The following SPRR2G variants were observed in gnomAD, a reference collection of about 807,000 sequenced individuals.
SPRR2G encodes the protein small proline-rich protein 2G.
In SPRR2G, 1 loss-of-function variant was observed where a neutral mutation model predicts 0.7. The ratio of observed to expected loss-of-function variants is 1.49; its 90% CI spans 0.53 to 7.06. The LOEUF (loss-of-function observed/expected upper bound fraction) is 7.06. Among genes scored for constraint, SPRR2G ranks in the 30% most tolerant of loss-of-function variants. SPRR2G has a pLI of 0.14. For missense variants in SPRR2G, 96 were observed against 88.5 expected (o/e 1.09, Z -0.34); for synonymous variants, 38 against 33.9 (o/e 1.12, Z -0.42).
At chr1:153,156,478 GA>G in the SPRR2G span, among the ~76,000 whole-genome samples, 4 of 152,238 alleles carry the variant, frequency 2.6e-5, no homozygotes, top group African/African-American at 9.6e-5. Context: ...TTAAGACGCT[GA>G]CATTGCAGAG....
chr1:153,167,163 C>G, the SPRR2G span, among the ~76,000 whole-genome samples: 1 of 152,116 alleles, frequency 6.6e-6, no homozygotes, highest in Admixed American at 6.6e-5. Flanking sequence ...AATAAGAGAC[C>G]CTTTGTTTTG....
At chr1:153,198,367 T>G in the SPRR2G span, among the ~76,000 whole-genome samples, 8 of 152,138 alleles carry the variant, frequency 5.3e-5, no homozygotes, top group Non-Finnish European at 1.2e-4. Flanking sequence ...TTTATAAAAT[T>G]CACTTCGGCA....
the SPRR2G span, among the ~76,000 whole-genome samples, chr1:153,177,995 A>G: frequency 6.6e-6 from 1 of 152,050 alleles, no homozygotes; most frequent in African/African-American, 2.4e-5. Context: ...ATTTATTTGG[A>G]TCCTGTCTAG....
the SPRR2G span, among the ~76,000 whole-genome samples, chr1:153,163,984 A>G: frequency 3.3e-5 from 5 of 152,304 alleles, no homozygotes; most frequent in Non-Finnish European, 7.3e-5. Context: ...TCCTCACCAA[A>G]TGGTATCAAT....
At chr1:153,166,790 TG>T in the SPRR2G span, among the ~76,000 whole-genome samples, 1 of 152,198 alleles carries the variant, frequency 6.6e-6, no homozygotes, top group Admixed American at 6.5e-5. Context: ...AAAACTCTCT[TG>T]GGACAACTGA....
At chr1:153,154,922 C>A (rs953530016), upstream of SPRR2G, among the ~76,000 whole-genome samples, 1 of 152,106 alleles carries the variant, frequency 6.6e-6, no homozygotes, top group Non-Finnish European at 1.5e-5. Flanking sequence ...TTTTTATCTT[C>A]CTAGACTTCT....
chr1:153,197,946 A>G, the SPRR2G span, among the ~76,000 whole-genome samples: 12 of 152,242 alleles, frequency 7.9e-5, no homozygotes, highest in African/African-American at 2.9e-4. Flanking sequence ...ACACTGCAGA[A>G]ACAGAGATTT....
chr1:153,154,395 C>T (rs1656539914), upstream of SPRR2G, among the ~76,000 whole-genome samples: 1 of 151,986 alleles, frequency 6.6e-6, no homozygotes, highest in Non-Finnish European at 1.5e-5. Context: ...GGTCTCTCCT[C>T]AATTTTTGGA....
the SPRR2G span, among the ~76,000 whole-genome samples, chr1:153,187,800 T>G: frequency 1.3e-5 from 2 of 152,196 alleles, no homozygotes; most frequent in Non-Finnish European, 2.9e-5. Flanking sequence ...TTTGGAATTT[T>G]CAGCATTTTG....
At chr1:153,176,945 G>A in the SPRR2G span, among the ~76,000 whole-genome samples, 2 of 152,058 alleles carry the variant, frequency 1.3e-5, no homozygotes, top group African/African-American at 4.8e-5. Flanking sequence ...GAGCGCAAGG[G>A]GGATCTAGAA....
At chr1:153,171,292 C>G in the SPRR2G span, among the ~76,000 whole-genome samples, 2 of 152,122 alleles carry the variant, frequency 1.3e-5, no homozygotes, top group African/African-American at 4.8e-5. Context: ...TTACCACACA[C>G]AAACACTAAA....
the SPRR2G span, among the ~76,000 whole-genome samples, chr1:153,195,616 A>T: frequency 6.6e-6 from 1 of 152,136 alleles, no homozygotes; most frequent in African/African-American, 2.4e-5. Context: ...AAGAAAGAAA[A>T]ACTGCTTTAG....
At chr1:153,200,856 C>T in the SPRR2G span, among the ~76,000 whole-genome samples, 1 of 152,084 alleles carries the variant, frequency 6.6e-6, no homozygotes, top group South Asian at 2.1e-4. Context: ...TGCGCCACCA[C>T]GCCCAGCTAA....
the SPRR2G span, among the ~76,000 whole-genome samples, chr1:153,169,888 C>T: frequency 6.6e-6 from 1 of 152,212 alleles, no homozygotes; most frequent in Admixed American, 6.5e-5. Flanking sequence ...TGGCTGGAGA[C>T]TGTGTTTCCA....
At chr1:153,201,978 A>G in the SPRR2G span, among the ~76,000 whole-genome samples, 1 of 152,234 alleles carries the variant, frequency 6.6e-6, no homozygotes, top group African/African-American at 2.4e-5. Flanking sequence ...AGTAATACTA[A>G]CACCCCAAAA....
chr1:153,201,653 A>G, the SPRR2G span, among the ~76,000 whole-genome samples: 3 of 152,346 alleles, frequency 2.0e-5, no homozygotes, highest in East Asian at 5.8e-4. Context: ...TATTCCAGTG[A>G]TAGGGGGTTA....
At chr1:153,193,926 C>T in the SPRR2G span, among the ~76,000 whole-genome samples, 5 of 152,274 alleles carry the variant, frequency 3.3e-5, no homozygotes, top group Admixed American at 2.6e-4. Context: ...CCCTTGCACA[C>T]TTCCTGGCCA....
At chr1:153,200,264 GA>G in the SPRR2G span, among the ~76,000 whole-genome samples, 103 of 152,142 alleles carry the variant, frequency 6.8e-4, no homozygotes, top group African/African-American at 2.2e-3. Context: ...GAAGGCAGGG[GA>G]AAAAAATGCT....
the SPRR2G span, chr1:153,176,781 A>G: frequency 6.6e-6 from 1 of 152,248 alleles, no homozygotes; most frequent in East Asian, 1.9e-4. Context: ...GAAAAAGCCC[A>G]GCAATAATGC....
Sources: allele counts gnomAD v4.1 joint callset (sites outside exome capture counted in the v4.1 genomes callset), GRCh38; gene constraint gnomAD v4.1.1; transcripts MANE v1.5; gene names NCBI Gene and HGNC (gene_info 2026-07-23, HGNC 2026-07-21).